Variants in NRXN3 observed in about 807,000 individuals in gnomAD.
NRXN3 encodes neurexin III.
Under a neutral mutation model 137.6 loss-of-function variants are expected in NRXN3, and 32 were observed. That is an observed-to-expected ratio of 0.23 (90% CI 0.18 to 0.31). NRXN3 has a LOEUF of 0.31. NRXN3 is among the 10% of genes least tolerant of loss of function. NRXN3 has a pLI of 1.00. For missense variants in NRXN3, 1,574 were observed against 2,062.5 expected (o/e 0.76, Z 4.59); for synonymous variants, 798 against 784.5 (o/e 1.02, Z -0.29).
At chr14:79,102,355 T>C (rs1201392093) in intron 15 of NRXN3, among the ~76,000 whole-genome samples, 2 of 152,166 alleles carry the variant, frequency 1.3e-5, no homozygotes, top group Non-Finnish European at 2.9e-5. Context: ...TTTCTTGTTA[T>C]CTCACCCTGC....
chr14:78,263,464 C>T (rs977109414), intron 2 of NRXN3, among the ~76,000 whole-genome samples: 4 of 152,158 alleles, frequency 2.6e-5, no homozygotes, highest in African/African-American at 9.7e-5. Context: ...CGGAATTAGA[C>T]AAAGACTGCA....
At chr14:79,849,544 A>T (rs2099387327) in intron 20 of NRXN3, among the ~76,000 whole-genome samples, 1 of 152,316 alleles carries the variant, frequency 6.6e-6, no homozygotes, top group Admixed American at 6.5e-5. Context: ...GCCAATAAAA[A>T]TCACCATGAG....
At chr14:79,456,797 G>T (rs1263833177) in intron 15 of NRXN3, among the ~76,000 whole-genome samples, 1 of 151,902 alleles carries the variant, frequency 6.6e-6, no homozygotes, top group Non-Finnish European at 1.5e-5. Flanking sequence ...GAGAGGATAG[G>T]AGAGGAGAGG....
chr14:79,386,881 G>A (rs969889254), intron 15 of NRXN3, among the ~76,000 whole-genome samples: 1 of 152,162 alleles, frequency 6.6e-6, no homozygotes, highest in African/African-American at 2.4e-5. Flanking sequence ...AATGGTGCTG[G>A]GAAAACTGGC....
chr14:78,506,396 A>G (rs1353006237), intron 4 of NRXN3, among the ~76,000 whole-genome samples: 1 of 152,170 alleles, frequency 6.6e-6, no homozygotes, highest in Non-Finnish European at 1.5e-5. Context: ...GGGTGCAGAT[A>G]TCTCTTTGAG....
At chr14:78,644,346 A>C (rs541101443) in intron 4 of NRXN3, among the ~76,000 whole-genome samples, 2 of 152,086 alleles carry the variant, frequency 1.3e-5, no homozygotes, top group Admixed American at 6.6e-5. Context: ...TTCTGTGGGG[A>C]AGGATAGTTC....
intron 10 of NRXN3, among the ~76,000 whole-genome samples, chr14:78,827,733 A>G (rs1487122361): frequency 6.6e-6 from 1 of 152,224 alleles, no homozygotes; most frequent in African/African-American, 2.4e-5. Flanking sequence ...GTGGGAGCTG[A>G]CATGCTGAGC....
chr14:79,545,064 A>T (rs1263379290), intron 16 of NRXN3, among the ~76,000 whole-genome samples: 1 of 152,032 alleles, frequency 6.6e-6, no homozygotes, highest in Non-Finnish European at 1.5e-5. Flanking sequence ...ATTTGACTGG[A>T]TTTTTTGGTC....
chr14:78,520,364 T>G (rs963692921), intron 4 of NRXN3, among the ~76,000 whole-genome samples: 1 of 152,206 alleles, frequency 6.6e-6, no homozygotes, highest in African/African-American at 2.4e-5. Context: ...TTAATTAATC[T>G]GGATGCAATT....
chr14:78,480,262 T>C (rs1450967658), intron 4 of NRXN3, among the ~76,000 whole-genome samples: 1 of 152,214 alleles, frequency 6.6e-6, no homozygotes, highest in Non-Finnish European at 1.5e-5. Flanking sequence ...GCATCTGAGA[T>C]GTTCAAGAGG....
chr14:79,733,607 G>T (rs542371346), intron 19 of NRXN3, among the ~76,000 whole-genome samples: 1 of 151,682 alleles, frequency 6.6e-6, no homozygotes. Context: ...TGAATTCACC[G>T]ATTGCTATCT....
At chr14:79,661,217 G>GTGTT (rs1417935280) in intron 16 of NRXN3, among the ~76,000 whole-genome samples, 1 of 152,130 alleles carries the variant, frequency 6.6e-6, no homozygotes, top group African/African-American at 2.4e-5. Context: ...AATCATGAGT[G>GTGTT]TGTTTAGTCA....
At chr14:79,292,494 G>A (rs1301287067) in intron 15 of NRXN3, among the ~76,000 whole-genome samples, 2 of 152,308 alleles carry the variant, frequency 1.3e-5, no homozygotes, top group African/African-American at 2.4e-5. Flanking sequence ...GAAAGACAGG[G>A]AACTGTGAGG....
intron 10 of NRXN3, among the ~76,000 whole-genome samples, chr14:78,914,298 G>A (rs1360321635): frequency 6.6e-6 from 1 of 152,176 alleles, no homozygotes; most frequent in African/African-American, 2.4e-5. Context: ...GAAGCTGAGG[G>A]TATAACTATG....
intron 4 of NRXN3, among the ~76,000 whole-genome samples, chr14:78,578,612 C>T (rs1024144874): frequency 6.6e-6 from 1 of 152,120 alleles, no homozygotes; most frequent in African/African-American, 2.4e-5. Flanking sequence ...TCAAGAATCA[C>T]CATGATGATG....
chr14:79,197,187 A>G (rs2065250774), intron 15 of NRXN3, among the ~76,000 whole-genome samples: 1 of 152,208 alleles, frequency 6.6e-6, no homozygotes. Flanking sequence ...CCACTTAAGA[A>G]AAATGCCAGA....
chr14:79,198,915 C>T (rs1377788811), intron 15 of NRXN3, among the ~76,000 whole-genome samples: 4 of 152,158 alleles, frequency 2.6e-5, no homozygotes, highest in Non-Finnish European at 4.4e-5. Flanking sequence ...CGCCTGTAAT[C>T]CAGCACTTTG....
chr14:79,677,916 T>C (rs766784143), intron 17 of NRXN3, among the ~76,000 whole-genome samples: 5 of 152,152 alleles, frequency 3.3e-5, no homozygotes, highest in Admixed American at 6.6e-5. Context: ...ATAGTGGTTG[T>C]AGGTATCATT....
At chr14:78,411,274 G>A (rs149955914) in intron 4 of NRXN3, among the ~76,000 whole-genome samples, 2 of 152,146 alleles carry the variant, frequency 1.3e-5, no homozygotes, top group African/African-American at 2.4e-5. Context: ...TGTCATTATT[G>A]TATGGGTTTT....
Sources: gnomAD v4.1 joint callset for allele counts (sites outside exome capture counted in the v4.1 genomes callset) on GRCh38, gnomAD v4.1.1 for gene constraint, MANE v1.5 for transcripts, NCBI Gene and HGNC (gene_info 2026-07-23, HGNC 2026-07-21) for gene names.